Variants in OTOF observed in about 807,000 individuals in gnomAD.
The protein encoded by OTOF is fer-1-like family member 2.
In OTOF, 218 loss-of-function variants were observed where a neutral mutation model predicts 236.8. That is an observed-to-expected ratio of 0.92 (90% CI 0.82 to 1.03). OTOF has a LOEUF of 1.03. Ranked by LOEUF, OTOF falls within the 50% of genes least tolerant of loss-of-function variation. The pLI, the probability that OTOF is intolerant of heterozygous loss-of-function variation, is 0.00. For synonymous variants in OTOF, 1,041 were observed against 1,072.5 expected, an observed-to-expected ratio of 0.97 and a Z score of 0.57; for missense variants, 2,590 against 2,694.4, an observed-to-expected ratio of 0.96 and a Z score of 0.86.
At chr2:26,509,264 C>T (rs1666324134) in intron 5 of OTOF, among the ~76,000 whole-genome samples, 1 of 152,172 alleles carries the variant, frequency 6.6e-6, no homozygotes, top group Non-Finnish European at 1.5e-5. Flanking sequence ...CTTGAGGACT[C>T]CCTAAGAGGA....
In OTOF at chr2:26,530,364, C is replaced by G. The variant is rs13429598; in HGVS notation, c.139-2444G>C. Among the ~76,000 whole-genome samples the G allele has an allele frequency of 6.9e-3, 1,051 of 152,178 alleles. 10 individuals carry two copies. Among genetic ancestry groups the G allele is most frequent in the African/African-American group, 0.024 (1,009 of 41,500 alleles). ...ACAGGAGACAGGGGGCTTCCGGGGC[C>G]CCTGACTGCAGATGAGAATAATCAG... On this transcript the variant is annotated intron_variant, in intron 2 of 46. Coordinates refer to ENST00000272371, the MANE Select transcript of OTOF (RefSeq NM_194248.3).
intron 36 of OTOF, chr2:26,466,474 T>C: frequency 1.8e-6 from 1 of 558,792 alleles, no homozygotes; most frequent in South Asian, 1.9e-5. Context: ...GTAGCTGGGA[T>C]TACAGGTGCG....
intron 1 of OTOF, among the ~76,000 whole-genome samples, chr2:26,553,736 C>T (rs564992683): frequency 1.3e-5 from 2 of 152,292 alleles, no homozygotes; most frequent in South Asian, 4.1e-4. Context: ...CCCTTCTGAG[C>T]TCCGGGGGCC....
At chr2:26,553,722 G>C (rs1011307609) in intron 1 of OTOF, among the ~76,000 whole-genome samples, 1 of 152,010 alleles carries the variant, frequency 6.6e-6, no homozygotes, top group African/African-American at 2.4e-5. Context: ...AAAAACTCCC[G>C]CCTCCCTTCT....
At chr2:26,515,975 C>T (rs1251257962) in intron 5 of OTOF, among the ~76,000 whole-genome samples, 1 of 152,220 alleles carries the variant, frequency 6.6e-6, no homozygotes, top group East Asian at 1.9e-4. Flanking sequence ...TCTTTGGCTT[C>T]ACTCTGGCAG....
intron 10 of OTOF, 26 bp from the exon 11 acceptor site, chr2:26,489,321 C>G (rs372285325): frequency 2.5e-6 from 4 of 1,580,034 alleles, no homozygotes; most frequent in Admixed American, 3.4e-5. Flanking sequence ...ACAGCCCACC[C>G]GTCAGGCCCA....
intron 22 of OTOF, 95 bp downstream of exon 22, chr2:26,476,796 G>A (rs1458373916): frequency 4.5e-6 from 5 of 1,121,894 alleles, no homozygotes; most frequent in Non-Finnish European, 6.6e-6. Context: ...GCTGCTTGAA[G>A]GCCCCACCCT....
Position 26,470,458 on chromosome 2 carries a change from G to T in OTOF, c.4023+135C>A. 1 of 858,868 alleles carries T rather than the reference G, an allele frequency of 1.2e-6. No individual in the cohort carries two copies. Among genetic ancestry groups the T allele is most frequent in the South Asian group, 1.4e-5 (1 of 70,978 alleles). The allele number at this position is 858,868 out of a possible 1,614,324, so 53.2% of individuals were successfully genotyped here. A position where few individuals can be genotyped will look rare whatever the true frequency, so the allele number is the denominator to read the frequency against. On this transcript the variant is annotated intron_variant, in intron 32 of 46. Transcript: ENST00000272371. The surrounding 1 kb of genome is among the most constrained non-coding windows in gnomAD (Gnocchi z 4.3). ...GTGAGTTCTGAGCTAGGATTTCAAG[G>T]ATGTGAGACAAAACCATCCCAAACT... is the stretch of plus-strand genomic sequence containing the variant.
chr2:26,467,055 A>G (rs1558472839), intron 35 of OTOF, 44 bp downstream of exon 35: 2 of 1,606,154 alleles, frequency 1.2e-6, no homozygotes, highest in Non-Finnish European at 1.7e-6. Flanking sequence ...GGGGGGGGCA[A>G]GGGCTGGCGG....
At chr2:26,475,125 C>T (rs1489849831) in intron 25 of OTOF, among the ~76,000 whole-genome samples, 1 of 152,016 alleles carries the variant, frequency 6.6e-6, no homozygotes, top group Non-Finnish European at 1.5e-5. Context: ...AGGGCTCAGT[C>T]TGTAGGAGAC....
intron 32 of OTOF, among the ~76,000 whole-genome samples, chr2:26,468,869 A>C (rs1664853616): frequency 6.8e-6 from 1 of 147,406 alleles, no homozygotes; most frequent in Non-Finnish European, 1.5e-5. Context: ...ACTTGGACAC[A>C]GGGAGGGGAA....
chr2:26,547,628 G>A (rs1456783738), intron 1 of OTOF, among the ~76,000 whole-genome samples: 1 of 152,104 alleles, frequency 6.6e-6, no homozygotes, highest in Admixed American at 6.6e-5. Context: ...TTGAGGTCAG[G>A]AGTTCAAGAC....
Position 26,483,606 on chromosome 2 carries a change from C to T in OTOF, c.1248G>A (p.Trp416Ter). 1 of 1,613,322 alleles carries T rather than the reference C, an allele frequency of 6.2e-7. No homozygotes were observed. Among genetic ancestry groups the T allele is most frequent in the Non-Finnish European group, 8.5e-7 (1 of 1,180,020 alleles). The stretch of plus-strand genomic sequence containing the variant: ...GGTAAATTTTCACATAGAACCGGGC[C>T]CACTGGCGTTCGGGGGGCACCCCCT... ...LPEGVPPERQ[W>*]ARFYVKIYRA... The change falls in exon 13 of 47, where the codon TGG becomes TGA. Residue 416 changes from tryptophan (W) to a stop codon, truncating the protein, a stop_gained. Transcript: ENST00000272371. LOFTEE classifies it high-confidence loss of function.
At chr2:26,528,867 A>G (rs1666872931) in intron 2 of OTOF, among the ~76,000 whole-genome samples, 1 of 152,202 alleles carries the variant, frequency 6.6e-6, no homozygotes, top group Non-Finnish European at 1.5e-5. Context: ...GCTCATGGTG[A>G]TTAGATACCT....
intron 8 of OTOF, among the ~76,000 whole-genome samples, chr2:26,497,142 G>A (rs939083618): frequency 8.4e-6 from 1 of 119,030 alleles, no homozygotes; most frequent in East Asian, 2.6e-4. Context: ...TCACTCTGTT[G>A]CCCCGGCTGG....
chr2:26,523,917 G>C (rs926687236), intron 3 of OTOF, among the ~76,000 whole-genome samples: 2 of 152,224 alleles, frequency 1.3e-5, no homozygotes, highest in African/African-American at 4.8e-5. Context: ...GGAGACTTGA[G>C]TCTCACATCA....
In OTOF at chr2:26,489,203, G is replaced by A. The variant is rs1359457694; in HGVS notation, c.1045+8C>T. 6.2e-7 allele frequency: 1 copy of A among 1,603,868 alleles called. No individual in the cohort carries two copies. Among genetic ancestry groups the A allele is most frequent in the Non-Finnish European group, 8.5e-7 (1 of 1,173,194 alleles). On this transcript the variant is annotated splice_region_variant and intron_variant, in intron 11 of 46. Transcript: ENST00000272371. ...ACCTCGACTGACTGGCCATGCGCAGGTACTCACCTGGCTGCGAGTACACGG... is the reference window on the plus strand; with the variant it reads ...ACCTCGACTGACTGGCCATGCGCAGATACTCACCTGGCTGCGAGTACACGG...
intron 2 of OTOF, among the ~76,000 whole-genome samples, chr2:26,528,543 C>T (rs543843071): frequency 6.6e-6 from 1 of 152,226 alleles, no homozygotes; most frequent in Non-Finnish European, 1.5e-5. Flanking sequence ...CTAGATTCAC[C>T]CTTACCACTT....
Position 26,466,077 on chromosome 2 carries a change from C to A in OTOF, c.4501-1G>T. ...TGTCAGCAGGGTGCAGGTCCGTGGC[C>A]TGGAATGGGGAGAAGGGCTGCCTGA... On this transcript the variant is annotated splice_acceptor_variant, in intron 36 of 46. Coordinates refer to ENST00000272371, the MANE Select transcript of OTOF (RefSeq NM_194248.3). LOFTEE classifies it high-confidence loss of function. 1 of 1,614,138 alleles carries A rather than the reference C, an allele frequency of 6.2e-7. No individual in the cohort carries two copies. Among genetic ancestry groups the A allele is most frequent in the Non-Finnish European group, 8.5e-7 (1 of 1,180,008 alleles).
Sources: gnomAD v4.1 joint callset for allele counts (sites outside exome capture counted in the v4.1 genomes callset) on GRCh38, gnomAD v4.1.1 for gene constraint, Gnocchi (gnomAD v3.1) non-coding constraint, MANE v1.5 for transcripts, NCBI Gene and HGNC (gene_info 2026-07-23, HGNC 2026-07-21) for gene names.